ZDHHC18: variants seen among roughly 807,000 people sequenced by gnomAD.
ZDHHC18 encodes zDHHC palmitoyltransferase 18, also known as palmitoyltransferase ZDHHC18.
ZDHHC18 carries 23 observed loss-of-function variants against 37.5 expected under a neutral mutation model. The observed-to-expected ratio is 0.61, with a 90% CI of 0.44 to 0.87. ZDHHC18 has a LOEUF of 0.87. Ranked by LOEUF, ZDHHC18 falls within the 40% of genes least tolerant of loss-of-function variation. The probability of loss-of-function intolerance (pLI) is 0.00; values close to 1 mark genes in which losing one functional copy is unlikely to be tolerated. For missense variants in ZDHHC18, 406 were observed against 525.6 expected, an observed-to-expected ratio of 0.77 and a Z score of 2.22; for synonymous variants, 185 against 218.7, an observed-to-expected ratio of 0.85 and a Z score of 1.36.
Position 26,853,978 on chromosome 1 carries a change from T to G in ZDHHC18, c.*135T>G, listed in dbSNP as rs2081720698. Reference sequence around the variant, plus strand: ...TTTCATATTTATTTCCCATCCTGCGTGGCTTTCCCTGAACTGTTCCGTGGC... The same window carrying G: ...TTTCATATTTATTTCCCATCCTGCGGGGCTTTCCCTGAACTGTTCCGTGGC... On this transcript the variant is annotated 3_prime_UTR_variant, in exon 8 of 8. Transcript: ENST00000374142. The G allele has an allele frequency of 1.2e-6, 1 of 834,324 alleles. No homozygotes were observed. Among genetic ancestry groups the G allele is most frequent in the African/African-American group, 1.7e-5 (1 of 59,208 alleles). 51.7% of individuals were successfully genotyped at this position (834,324 alleles called of 1,614,324 possible). A position where few individuals can be genotyped will look rare whatever the true frequency, so the allele number is the denominator to read the frequency against.
chr1:26,827,973 A>G (rs980092307), intron 1 of ZDHHC18, among the ~76,000 whole-genome samples: 2 of 152,056 alleles, frequency 1.3e-5, no homozygotes, highest in African/African-American at 4.8e-5. Flanking sequence ...CATCAGCAAC[A>G]GCTGCGGTGC....
chr1:26,836,073 G>T (rs576578683), intron 2 of ZDHHC18, among the ~76,000 whole-genome samples: 6 of 152,306 alleles, frequency 3.9e-5, no homozygotes, highest in African/African-American at 1.2e-4. Context: ...CCGGCTGGTG[G>T]GCTGTGCAGC....
chr1:26,830,122 C>T (rs943810620), intron 1 of ZDHHC18, among the ~76,000 whole-genome samples: 3 of 152,224 alleles, frequency 2.0e-5, no homozygotes, highest in Non-Finnish European at 4.4e-5. Flanking sequence ...CATCTGATGA[C>T]GGAGACTTCA....
At chr1:26,837,724 C>T (rs1384993302) in intron 2 of ZDHHC18, among the ~76,000 whole-genome samples, 2 of 152,118 alleles carry the variant, frequency 1.3e-5, no homozygotes, top group Non-Finnish European at 2.9e-5. Context: ...AGGTGATCCA[C>T]CTGCCTCAGC....
intron 2 of ZDHHC18, among the ~76,000 whole-genome samples, chr1:26,845,317 A>ACTCTTT (rs2081658156): frequency 1.5e-5 from 1 of 68,854 alleles, no homozygotes; most frequent in African/African-American, 5.8e-5. Context: ...TTACTTCTTC[A>ACTCTTT]TTCTTTTTTT....
intron 2 of ZDHHC18, among the ~76,000 whole-genome samples, chr1:26,847,508 G>A (rs759320411): frequency 5.3e-5 from 8 of 152,124 alleles, no homozygotes; most frequent in South Asian, 4.1e-4. Context: ...CACTGCATTC[G>A]GCCTGTTTCG....
At chr1:26,827,807 C>T (rs553867683) in intron 1 of ZDHHC18, among the ~76,000 whole-genome samples, 19 of 152,282 alleles carry the variant, frequency 1.2e-4, no homozygotes, top group African/African-American at 2.4e-4. Flanking sequence ...CCCTTTCCTT[C>T]TCCAGAACCT....
intron 2 of ZDHHC18, among the ~76,000 whole-genome samples, chr1:26,837,293 A>G (rs1156535836): frequency 1.4e-5 from 2 of 147,228 alleles, no homozygotes; most frequent in Non-Finnish European, 1.5e-5. Flanking sequence ...ATACATTTAT[A>G]TATTTACTAC....
chr1:26,845,202 G>A (rs928128354), intron 2 of ZDHHC18, among the ~76,000 whole-genome samples: 1 of 151,690 alleles, frequency 6.6e-6, no homozygotes, highest in African/African-American at 2.4e-5. Context: ...TGGAATTACA[G>A]GCTTAAGCCA....
chr1:26,846,272 A>ATGTGTGTGTG (rs1233342256), intron 2 of ZDHHC18, among the ~76,000 whole-genome samples: 1,171 of 84,900 alleles, frequency 0.014, 22 homozygotes, highest in Non-Finnish European at 0.016. Flanking sequence ...ATAGAGATAT[A>ATGTGTGTGTG]TGTGTGTGTG....
chr1:26,843,375 A>C (rs2124259608), intron 2 of ZDHHC18, among the ~76,000 whole-genome samples: 1 of 151,030 alleles, frequency 6.6e-6, no homozygotes, highest in African/African-American at 2.4e-5. Flanking sequence ...TCCTGACCTA[A>C]GGTGATCCAC....
intron 7 of ZDHHC18, 60 bp from the exon 8 acceptor site, chr1:26,853,666 C>T (rs1272281639): frequency 1.4e-5 from 21 of 1,521,098 alleles, no homozygotes; most frequent in Non-Finnish European, 3.6e-6. Context: ...CCGTCCAACC[C>T]CTGGCCTAGA....
At chr1:26,834,008 C>G (rs1262869255) in intron 2 of ZDHHC18, among the ~76,000 whole-genome samples, 1 of 152,198 alleles carries the variant, frequency 6.6e-6, no homozygotes, top group Non-Finnish European at 1.5e-5. Context: ...CTACATCCAG[C>G]GTCCTACCCC....
chr1:26,846,872 C>G (rs1366840572), intron 2 of ZDHHC18, among the ~76,000 whole-genome samples: 1 of 151,786 alleles, frequency 6.6e-6, no homozygotes, highest in African/African-American at 2.4e-5. Context: ...ATTCCATTAT[C>G]ATACCTAAGA....
At chr1:26,840,777 C>T (rs1025602211) in intron 2 of ZDHHC18, among the ~76,000 whole-genome samples, 5 of 152,048 alleles carry the variant, frequency 3.3e-5, no homozygotes, top group Admixed American at 2.6e-4. Flanking sequence ...TTTAGAGACA[C>T]AGCCTCGCTC....
chr1:26,827,321 C>T (rs2081563026), intron 1 of ZDHHC18, among the ~76,000 whole-genome samples, 182 bp downstream of exon 1: 1 of 150,910 alleles, frequency 6.6e-6, no homozygotes, highest in African/African-American at 2.4e-5. Context: ...CCATCCCCGC[C>T]AGATGCCCCA....
At chr1:26,830,933 C>G (rs2081586473) in intron 1 of ZDHHC18, among the ~76,000 whole-genome samples, 1 of 152,100 alleles carries the variant, frequency 6.6e-6, no homozygotes, top group African/African-American at 2.4e-5. Context: ...CAGGCACATG[C>G]TACCACACCC....
intron 2 of ZDHHC18, among the ~76,000 whole-genome samples, chr1:26,833,644 G>A (rs2081597724): frequency 6.6e-6 from 1 of 152,062 alleles, no homozygotes; most frequent in Non-Finnish European, 1.5e-5. Context: ...GCGGGGTACT[G>A]GGCCAGGTCC....
intron 2 of ZDHHC18, among the ~76,000 whole-genome samples, chr1:26,846,256 A>G (rs11579946): frequency 7.6e-6 from 1 of 131,498 alleles, no homozygotes; most frequent in African/African-American, 2.9e-5. Flanking sequence ...ATAGATATAT[A>G]TCTCTATAGA....
Sources: gnomAD v4.1 joint callset for allele counts (sites outside exome capture counted in the v4.1 genomes callset) on GRCh38, gnomAD v4.1.1 for gene constraint, MANE v1.5 for transcripts, NCBI Gene and HGNC (gene_info 2026-07-23, HGNC 2026-07-21) for gene names.